CCDC9B: variants seen among roughly 807,000 people sequenced by gnomAD.
CCDC9B encodes coiled-coil domain containing 9B.
Under a neutral mutation model 47.2 loss-of-function variants are expected in CCDC9B, and 40 were observed. The observed-to-expected ratio is 0.85, with a 90% CI of 0.66 to 1.10. The LOEUF (loss-of-function observed/expected upper bound fraction) is 1.10, where lower values mean the gene tolerates loss of function less well. Ranked by LOEUF, CCDC9B falls within the 50% of genes least tolerant of loss-of-function variation. The probability of loss-of-function intolerance (pLI) is 0.00; values close to 1 mark genes in which losing one functional copy is unlikely to be tolerated. For synonymous variants in CCDC9B, 238 were observed against 250.7 expected (o/e 0.95, Z 0.48); for missense variants, 662 against 651.0 (o/e 1.02, Z -0.18).
Position 40,338,622 on chromosome 15 carries a change from C to G in CCDC9B, c.426G>C (p.Arg142Ser), listed in dbSNP as rs775952103. The part of the protein sequence containing the change: ...RIVSEKPTRA[R>S]NQGIEGSPGG... ...CAGGTGACCCCTCTATGCCTTGGTT[C>G]CTTGCTCTGGTAGGCTTTTCACTTA... The change falls in exon 5 of 11, where the codon AGG (arginine) becomes AGC (serine). Residue 142 changes from arginine (R) to serine (S), a missense_variant. Physicochemically the swap from Arg to Ser is moderately radical, Grantham distance 110. Coordinates refer to ENST00000397536, the MANE Select transcript of CCDC9B (RefSeq NM_207380.3). The G allele has an allele frequency of 3.1e-6, 5 of 1,614,090 alleles. No homozygotes were observed. The South Asian group carries it at 5.5e-5, about 18-fold the overall frequency.
rs1338024914 is a variant in CCDC9B at position 40,338,621 on chromosome 15, T to A, written c.427A>T (p.Asn143Tyr). ...IVSEKPTRAR[N>Y]QGIEGSPGGR... is the part of the protein sequence containing the mutation. The stretch of plus-strand genomic sequence containing the variant: ...CCAGGTGACCCCTCTATGCCTTGGT[T>A]CCTTGCTCTGGTAGGCTTTTCACTT... Residue 143 changes from asparagine to tyrosine, a missense_variant, in exon 5 of 11, where the codon AAC (asparagine) becomes TAC (tyrosine). Asn to Tyr is a moderately radical substitution (Grantham distance 143). Transcript: ENST00000397536. 11 of 1,613,978 alleles carry A rather than the reference T, an allele frequency of 6.8e-6. No individual in the cohort carries two copies. The highest frequency in any genetic ancestry group is 9.3e-6 in the Non-Finnish European group (11 of 1,179,956).
At position 40,339,953 on chromosome 15, in the gene CCDC9B, C is replaced by T. The variant is rs754804557; in HGVS notation, c.75G>A (p.Arg25=). 4 of 1,613,946 alleles carry T rather than the reference C, an allele frequency of 2.5e-6. No individual in the cohort carries two copies. The highest frequency in any genetic ancestry group is 1.1e-5 in the South Asian group (1 of 91,086). ...GGTTCTTCTTGCGCAGGGCAACTAT[C>T]CTCCGATCCAGCTCTGCGTCCTTCT... ...RQEKDAELDR[R]IVALRKKNQA... Residue 25 remains arginine, a synonymous_variant, in exon 2 of 11, where the codon AGG becomes AGA. Coordinates refer to ENST00000397536, the MANE Select transcript of CCDC9B (RefSeq NM_207380.3).
At chr15:40,339,165 C>T (rs2141248909) in intron 3 of CCDC9B, 1 of 601,038 alleles carries the variant, frequency 1.7e-6, no homozygotes, top group East Asian at 2.8e-5. Flanking sequence ...GGGTCTCTGT[C>T]CCTCAGACAC....
intron 3 of CCDC9B, 194 bp from the exon 4 acceptor site, chr15:40,339,097 C>G (rs537688738): frequency 3.0e-6 from 2 of 668,212 alleles, no homozygotes; most frequent in East Asian, 5.4e-5. Flanking sequence ...CCCAGCGGCC[C>G]AAGATGCCAC....
chr15:40,340,394 C>T (rs1433262358), intron 1 of CCDC9B: 3 of 325,398 alleles, frequency 9.2e-6, no homozygotes, highest in Admixed American at 4.6e-5. Context: ...TTCGGGAGGT[C>T]GAGGGGGGAG....
chr15:40,338,105 T>C lies in CCDC9B; in HGVS notation c.514-212A>G, dbSNP rs371308385. On this transcript the variant is annotated intron_variant, in intron 5 of 10. Coordinates refer to ENST00000397536, the MANE Select transcript of CCDC9B (RefSeq NM_207380.3). The stretch of plus-strand genomic sequence containing the variant: ...AACCTCTCTGTGTCTCATTTCCTCG[T>C]GTAAAATGGGGAGGATCTCCGTAGC... 27 of 728,560 alleles carry C rather than the reference T, an allele frequency of 3.7e-5. No individual in the cohort carries two copies. In the African/African-American group the frequency reaches 4.2e-4, roughly 11 times the overall value. The allele number at this position is 728,560 out of a possible 1,614,324, so 45.1% of individuals were successfully genotyped here. A position where few individuals can be genotyped will look rare whatever the true frequency, so the allele number is the denominator to read the frequency against.
At position 40,335,788 on chromosome 15, in the gene CCDC9B, T is replaced by C. The variant is rs1424160868; in HGVS notation, c.926A>G (p.Gln309Arg). 5.0e-6 allele frequency: 8 copies of C among 1,611,274 alleles called. No individual in the cohort carries two copies. The highest frequency in any genetic ancestry group is 1.6e-4 in the Middle Eastern group (1 of 6,078). ...ATCCTATACCCAAGTACCTACCTCC[T>C]GACCTTCCAGCTCCTCCTTGTCTTC... ...MKEDKEELEGQEGSQSTRETP... is the reference protein window; with the variant it reads ...MKEDKEELEGREGSQSTRETP... The change falls in exon 10 of 11, where the codon CAG becomes CGG. Residue 309 changes from glutamine to arginine, a missense_variant. Transcript: ENST00000397536.
At chr15:40,339,255 T>G in intron 3 of CCDC9B, 1 of 579,638 alleles carries the variant, frequency 1.7e-6, no homozygotes, top group South Asian at 2.0e-5. Context: ...GGTTTAGGAG[T>G]GGCCTGTGCT....
Position 40,337,831 on chromosome 15 carries a change from G to T in CCDC9B, c.576C>A (p.Ala192=). ...GEPPEAGWDY[A]QWKQEREQID... ...TCTGCTCCCGCTCCTGCTTCCACTG[G>T]GCATAGTCCCAGCCCGCCTCCGGGG... is the stretch of plus-strand genomic sequence containing the variant. Residue 192 remains alanine (A), a synonymous_variant, in exon 6 of 11, where the codon GCC becomes GCA. Transcript: ENST00000397536. The T allele has an allele frequency of 6.2e-7, 1 of 1,610,696 alleles. No individual in the cohort carries two copies. Among genetic ancestry groups the T allele is most frequent in the Non-Finnish European group, 8.5e-7 (1 of 1,179,682 alleles).
In CCDC9B at chr15:40,331,897, C is replaced by T. The variant is rs1367877790; in HGVS notation, c.*3261G>A. ...CTTGCAGGCTGGTCTATTGCATTTC[C>T]GTCCCGCCATCTGTCAAAAATGGGC... On this transcript the variant is annotated 3_prime_UTR_variant, in exon 11 of 11. Coordinates refer to ENST00000397536, the MANE Select transcript of CCDC9B (RefSeq NM_207380.3). The T allele has an allele frequency of 3.3e-5, 5 of 152,418 alleles. No individual in the cohort carries two copies. The highest frequency in any genetic ancestry group is 2.1e-4 in the South Asian group (1 of 4,832). 9.4% of individuals were successfully genotyped at this position (152,418 alleles called of 1,614,324 possible).
intron 2 of CCDC9B, 58 bp from the exon 3 acceptor site, chr15:40,339,677 G>A (rs1889046511): frequency 4.4e-6 from 7 of 1,604,348 alleles, no homozygotes; most frequent in Non-Finnish European, 5.9e-6. Flanking sequence ...CAGAGACATA[G>A]ATGCTGATAG....
rs924012464 is a variant in CCDC9B at position 40,336,567 on chromosome 15, C to G, written c.887+7G>C. ...CCGTCTTGATTTTGTCCCCTGCCAC[C>G]TGTTACCTTCGGGCCCTGCCAGTCA... On this transcript the variant is annotated splice_region_variant and intron_variant, in intron 9 of 10. Coordinates refer to ENST00000397536, the MANE Select transcript of CCDC9B (RefSeq NM_207380.3). 5.6e-6 allele frequency: 9 copies of G among 1,610,630 alleles called. No individual in the cohort carries two copies. Among genetic ancestry groups the G allele is most frequent in the Non-Finnish European group, 7.6e-6 (9 of 1,178,978 alleles).
At chr15:40,336,144 C>G (rs149776768) in intron 9 of CCDC9B, 1 of 985,440 alleles carries the variant, frequency 1.0e-6, no homozygotes, top group East Asian at 1.1e-4. Context: ...AGACTGGGAT[C>G]AGAGCCAGAA....
At position 40,335,269 on chromosome 15, in the gene CCDC9B, C is replaced by G; in HGVS notation, c.1362G>C (p.Gln454His). Residue 454 changes from glutamine (Q) to histidine (H), a missense_variant, in exon 11 of 11, where the codon CAG becomes CAC. Coordinates refer to ENST00000397536, the MANE Select transcript of CCDC9B (RefSeq NM_207380.3). ...GCCGGCTTCTCGGGGCCAGGCCCTG[C>G]TGGGCCCCAGACTTGCCAGACCTGT... Reference protein sequence around the residue: ...GEDRSGKSGAQQGLAPRSRPT... With the variant: ...GEDRSGKSGAHQGLAPRSRPT... 1 of 1,605,840 alleles carries G rather than the reference C, an allele frequency of 6.2e-7. No homozygotes were observed. The highest frequency in any genetic ancestry group is 8.5e-7 in the Non-Finnish European group (1 of 1,174,846).
At chr15:40,337,574 T>C (rs774632153) in intron 6 of CCDC9B, 128 bp from the exon 7 acceptor site, 39 of 1,188,028 alleles carry the variant, frequency 3.3e-5, no homozygotes, top group East Asian at 2.8e-4. Flanking sequence ...CCAAGAAAGA[T>C]GGGAGACCCA....
At chr15:40,337,197 T>G in intron 7 of CCDC9B, 191 bp downstream of exon 7, 1 of 721,462 alleles carries the variant, frequency 1.4e-6, no homozygotes, top group Non-Finnish European at 2.5e-6. Flanking sequence ...GGACAAGAGC[T>G]GTGGGCTCAG....
chr15:40,339,727 A>T, intron 2 of CCDC9B, 108 bp from the exon 3 acceptor site: 1 of 1,535,642 alleles, frequency 6.5e-7, no homozygotes, highest in Non-Finnish European at 8.8e-7. Context: ...CAGGGGGCAG[A>T]GGCGCCACAT....
rs769746923 is a variant in CCDC9B, at chr15:40,338,491, G to A, written c.513+44C>T. On this transcript the variant is annotated intron_variant, in intron 5 of 10. Transcript: ENST00000397536. ...CTCAGCTTCTCTGCCTCCCCCAAGT[G>A]AGGACCTTCAGATCCATGTCCCCAT... 1.1e-5 allele frequency: 17 copies of A among 1,595,974 alleles called. 1 individual carries two copies. In the South Asian group the frequency reaches 1.7e-4, roughly 16 times the overall value.
rs1041800421 is a variant in CCDC9B, at chr15:40,332,804, A to G, written c.*2354T>C. 1 of 152,156 alleles carries G rather than the reference A, an allele frequency of 6.6e-6. No homozygotes were observed. Among genetic ancestry groups the G allele is most frequent in the Non-Finnish European group, 1.5e-5 (1 of 68,012 alleles). The allele number at this position is 152,156 out of a possible 1,614,324, so 9.4% of individuals were successfully genotyped here. ...CCCCTAGCCCCGTCCTTTGGGAGTCATGGATTCCTAGGCCAGTGTCACACT... is the reference window on the plus strand; with the variant it reads ...CCCCTAGCCCCGTCCTTTGGGAGTCGTGGATTCCTAGGCCAGTGTCACACT... On this transcript the variant is annotated 3_prime_UTR_variant, in exon 11 of 11. Transcript: ENST00000397536.
Sources: allele counts gnomAD v4.1 joint callset, GRCh38; gene constraint gnomAD v4.1.1; transcripts MANE v1.5; gene names NCBI Gene and HGNC (gene_info 2026-07-23, HGNC 2026-07-21).